Variants in DCBLD2 observed in about 807,000 individuals in gnomAD.
The protein encoded by DCBLD2 is discoidin, CUB and LCCL domain-containing protein 2.
DCBLD2 carries 54 observed loss-of-function variants against 86.8 expected under a neutral mutation model. The ratio of observed to expected loss-of-function variants is 0.62; its 90% confidence interval spans 0.50 to 0.78. DCBLD2 has a LOEUF of 0.78. DCBLD2 is among the 30% of genes least tolerant of loss of function. The probability of loss-of-function intolerance (pLI) is 0.00; values close to 1 mark genes in which losing one functional copy is unlikely to be tolerated. For missense variants in DCBLD2, 908 were observed against 954.2 expected, an observed-to-expected ratio of 0.95 and a Z score of 0.64; for synonymous variants, 354 against 341.3, an observed-to-expected ratio of 1.04 and a Z score of -0.41.
chr3:98,805,585 C>T (rs1233055494), intron 13 of DCBLD2, among the ~76,000 whole-genome samples: 1 of 152,142 alleles, frequency 6.6e-6, no homozygotes, highest in Non-Finnish European at 1.5e-5. Flanking sequence ...TTCTCATCCT[C>T]CCTATTTTCC....
rs1016514397 is a variant in DCBLD2, at chr3:98,840,740, C to T, written c.571+8721G>A. On this transcript the variant is annotated intron_variant, in intron 3 of 15. Transcript: ENST00000326840. Reference sequence around the variant, plus strand: ...CTCCCAGCCTCAAGCAATCCTCCCACGTCAACCTCCCAAACTGTTGAGAAG... The same window carrying T: ...CTCCCAGCCTCAAGCAATCCTCCCATGTCAACCTCCCAAACTGTTGAGAAG... 3.9e-5 allele frequency among the ~76,000 whole-genome samples: 6 copies of T among 152,334 alleles called. 1 individual carries two copies. The South Asian group carries it at 1.2e-3, about 32-fold the overall frequency.
chr3:98,870,297 ATG>A (rs1943236004), intron 2 of DCBLD2, among the ~76,000 whole-genome samples: 1 of 152,070 alleles, frequency 6.6e-6, no homozygotes, highest in African/African-American at 2.4e-5. Context: ...TCATTGGTAT[ATG>A]TGTCTATTTT....
At chr3:98,894,338 A>G (rs1396341803) in intron 1 of DCBLD2, among the ~76,000 whole-genome samples, 1 of 152,168 alleles carries the variant, frequency 6.6e-6, no homozygotes, top group African/African-American at 2.4e-5. Flanking sequence ...CTGGCAAGAA[A>G]AAGGAGACAG....
Position 98,808,090 on chromosome 3 carries a change from C to A in DCBLD2, c.1661G>T (p.Trp554Leu). ...CTAGTTATGTACTAACCTGTTTCTC[C>A]AGTGCCAAGCACACACTAATATGAG... is the stretch of plus-strand genomic sequence containing the variant. ...LILILVCAWH[W>L]RNRKKKTEGT... The change falls in exon 13 of 16, where the codon TGG becomes TTG. Residue 554 changes from tryptophan to leucine, a missense_variant. Transcript: ENST00000326840. The A allele has an allele frequency of 6.3e-7, 1 of 1,594,234 alleles. No individual in the cohort carries two copies. Among genetic ancestry groups the A allele is most frequent in the African/African-American group, 1.3e-5 (1 of 74,148 alleles).
chr3:98,828,453 A>T (rs538050311), intron 3 of DCBLD2, among the ~76,000 whole-genome samples: 50 of 152,364 alleles, frequency 3.3e-4, no homozygotes, highest in African/African-American at 1.2e-3. Context: ...AGGCACATAA[A>T]AAGATGCTCA....
At chr3:98,842,135 G>A (rs962014976) in intron 3 of DCBLD2, among the ~76,000 whole-genome samples, 4 of 152,102 alleles carry the variant, frequency 2.6e-5, no homozygotes, top group Admixed American at 6.6e-5. Flanking sequence ...AATATAGGCC[G>A]AAACAAGAAA....
At chr3:98,896,732 T>TA (rs202190925) in intron 1 of DCBLD2, among the ~76,000 whole-genome samples, 2,033 of 152,324 alleles carry the variant, frequency 0.013, 40 homozygotes, top group Non-Finnish European at 0.021. Flanking sequence ...CCTATGGCCG[T>TA]AAGGTTGTTA....
intron 3 of DCBLD2, among the ~76,000 whole-genome samples, chr3:98,844,422 G>A (rs573231476): frequency 6.6e-6 from 1 of 151,428 alleles, no homozygotes; most frequent in East Asian, 1.9e-4. Context: ...CAGTAATGCA[G>A]TCTTGGCTCA....
rs1227139692 is a variant in DCBLD2 at position 98,841,901 on chromosome 3, A to T, written c.571+7560T>A. ...CACAGTGAAACCCCGTCTCTACCAA[A>T]AAAAATACAAAAAATTAGCCGGGCA... is the stretch of plus-strand genomic sequence containing the variant. On this transcript the variant is annotated intron_variant, in intron 3 of 15. Transcript: ENST00000326840. Among the ~76,000 whole-genome samples, 3 of 152,032 alleles carry T rather than the reference A, an allele frequency of 2.0e-5. No individual in the cohort carries two copies. In the East Asian group the frequency reaches 5.8e-4, roughly 29 times the overall value.
chr3:98,879,097 GTTTTA>G (rs970791184), intron 2 of DCBLD2, among the ~76,000 whole-genome samples: 6 of 152,060 alleles, frequency 3.9e-5, no homozygotes, highest in African/African-American at 1.4e-4. Flanking sequence ...TAATTCTCTT[GTTTTA>G]TTTTAACATA....
intron 3 of DCBLD2, among the ~76,000 whole-genome samples, chr3:98,834,782 A>G (rs1220032304): frequency 6.6e-6 from 1 of 152,250 alleles, no homozygotes; most frequent in Non-Finnish European, 1.5e-5. Context: ...TCTTTTCCAT[A>G]TATTGAAACT....
intron 2 of DCBLD2, among the ~76,000 whole-genome samples, chr3:98,856,557 C>T (rs541231806): frequency 3.3e-5 from 5 of 151,758 alleles, no homozygotes; most frequent in Non-Finnish European, 7.4e-5. Context: ...TTATGAAAAC[C>T]CTCTCCCCCT....
intron 1 of DCBLD2, among the ~76,000 whole-genome samples, chr3:98,887,930 T>C (rs149336422): frequency 4.6e-5 from 7 of 152,072 alleles, no homozygotes; most frequent in East Asian, 3.9e-4. Flanking sequence ...CCCACCACTA[T>C]AGTATCACAC....
chr3:98,835,551 T>G (rs1479057087), intron 3 of DCBLD2, among the ~76,000 whole-genome samples: 1 of 151,230 alleles, frequency 6.6e-6, no homozygotes, highest in African/African-American at 2.4e-5. Flanking sequence ...TTTTTTTTTC[T>G]TCTTTTTTTT....
rs1941939776 is a variant in DCBLD2, at chr3:98,811,540, G to A, written c.1378C>T (p.Leu460Phe). ...TTCCGAGGAGGTGGAGGTTGAGTAA[G>A]TTTTGGAGGACGACCTTGAAAAATG... The part of the protein sequence containing the change: ...QFIPKGRPPK[L>F]TQPPPPRNSN... The change falls in exon 11 of 16, where the codon CTT (leucine) becomes TTT (phenylalanine). Residue 460 changes from leucine (L) to phenylalanine (F), a missense_variant. Transcript: ENST00000326840. 2 of 1,571,812 alleles carry A rather than the reference G, an allele frequency of 1.3e-6. No individual in the cohort carries two copies. The highest frequency in any genetic ancestry group is 1.4e-5 in the African/African-American group (1 of 72,706).
chr3:98,861,420 T>C (rs1943041500), intron 2 of DCBLD2, among the ~76,000 whole-genome samples: 1 of 152,180 alleles, frequency 6.6e-6, no homozygotes. Flanking sequence ...CAACACAATA[T>C]ACGTTCTTCT....
intron 12 of DCBLD2, 113 bp from the exon 13 acceptor site, chr3:98,808,287 A>C (rs1370987335): frequency 3.3e-6 from 3 of 897,872 alleles, no homozygotes; most frequent in Non-Finnish European, 4.9e-6. Context: ...CCTCACGGAA[A>C]TACCATAAAC....
chr3:98,874,992 A>C (rs1350121145), intron 2 of DCBLD2, among the ~76,000 whole-genome samples: 1 of 152,216 alleles, frequency 6.6e-6, no homozygotes, highest in Non-Finnish European at 1.5e-5. Flanking sequence ...ATTTCCACTA[A>C]GATAAGGAAC....
At chr3:98,838,505 C>T (rs1482212978) in intron 3 of DCBLD2, among the ~76,000 whole-genome samples, 6 of 146,156 alleles carry the variant, frequency 4.1e-5, no homozygotes, top group Admixed American at 6.8e-5. Context: ...TGGGAAGAGG[C>T]GCTCCTCACT....
Sources: allele counts gnomAD v4.1 joint callset (sites outside exome capture counted in the v4.1 genomes callset), GRCh38; gene constraint gnomAD v4.1.1; transcripts MANE v1.5; gene names NCBI Gene and HGNC (gene_info 2026-07-23, HGNC 2026-07-21).